The following SPIDR variants were observed in gnomAD, a reference collection of about 807,000 sequenced individuals.
SPIDR encodes DNA repair-scaffolding protein.
Under a neutral mutation model 104.6 loss-of-function variants are expected in SPIDR, and 93 were observed. The ratio of observed to expected loss-of-function variants is 0.89; its 90% confidence interval spans 0.75 to 1.06. SPIDR has a LOEUF of 1.06. SPIDR is among the 50% of genes least tolerant of loss of function. SPIDR has a pLI of 0.00. For missense variants in SPIDR, 1,154 were observed against 1,111.2 expected (o/e 1.04, Z -0.55); for synonymous variants, 431 against 416.9 (o/e 1.03, Z -0.41).
At chr8:47,530,915 A>G (rs970803066) in intron 8 of SPIDR, among the ~76,000 whole-genome samples, 1 of 151,752 alleles carries the variant, frequency 6.6e-6, no homozygotes, top group Admixed American at 6.6e-5. Context: ...AAAATTTTTT[A>G]TAACTTTTTT....
intron 7 of SPIDR, among the ~76,000 whole-genome samples, chr8:47,420,070 G>T (rs532774532): frequency 2.6e-5 from 4 of 152,186 alleles, no homozygotes; most frequent in Non-Finnish European, 5.9e-5. Flanking sequence ...GTGGTGTGGT[G>T]CTGAGAAGAA....
At chr8:47,464,956 G>A (rs892739157) in intron 8 of SPIDR, among the ~76,000 whole-genome samples, 1 of 151,834 alleles carries the variant, frequency 6.6e-6, no homozygotes, top group Non-Finnish European at 1.5e-5. Flanking sequence ...TTTAGATGAC[G>A]TTTCACCATG....
At chr8:47,309,024 G>A (rs2043630912) in intron 5 of SPIDR, among the ~76,000 whole-genome samples, 1 of 152,214 alleles carries the variant, frequency 6.6e-6, no homozygotes, top group Non-Finnish European at 1.5e-5. Context: ...GATCTTCTAG[G>A]TGGAGCAACA....
intron 8 of SPIDR, among the ~76,000 whole-genome samples, chr8:47,469,853 C>T (rs1303710272): frequency 6.6e-6 from 1 of 151,908 alleles, no homozygotes; most frequent in Non-Finnish European, 1.5e-5. Flanking sequence ...GTACATGTAC[C>T]CCTGAACTTA....
chr8:47,323,603 T>G (rs2047169039), intron 5 of SPIDR, among the ~76,000 whole-genome samples: 1 of 152,188 alleles, frequency 6.6e-6, no homozygotes, highest in Non-Finnish European at 1.5e-5. Flanking sequence ...TAACTTTTTT[T>G]TAGATCCAAT....
intron 8 of SPIDR, among the ~76,000 whole-genome samples, chr8:47,595,599 T>C (rs2061553005): frequency 6.6e-6 from 1 of 152,320 alleles, no homozygotes; most frequent in South Asian, 2.1e-4. Context: ...CCTTCTTCCA[T>C]CCCTTCCTGA....
At chr8:47,482,092 G>C (rs1243248405) in intron 8 of SPIDR, among the ~76,000 whole-genome samples, 1 of 152,170 alleles carries the variant, frequency 6.6e-6, no homozygotes, top group African/African-American at 2.4e-5. Context: ...TGGTCAGTGG[G>C]TATTTGTACC....
intron 5 of SPIDR, among the ~76,000 whole-genome samples, chr8:47,300,668 C>A (rs7834569): frequency 0.51 from 77,253 of 151,998 alleles, 23,614 homozygotes; most frequent in African/African-American, 0.87. Context: ...TGTTGGTTTC[C>A]AAGAACATCT....
intron 14 of SPIDR, among the ~76,000 whole-genome samples, chr8:47,710,719 C>T (rs1003392276): frequency 1.3e-5 from 2 of 152,180 alleles, no homozygotes; most frequent in South Asian, 2.1e-4. Context: ...CCGCCTGCCT[C>T]GGCCTCCCAA....
chr8:47,417,840 A>G (rs532523582), intron 7 of SPIDR, among the ~76,000 whole-genome samples: 18 of 152,274 alleles, frequency 1.2e-4, no homozygotes, highest in African/African-American at 4.3e-4. Context: ...CTTTCTACAT[A>G]TGGCTAGCCA....
chr8:47,626,145 C>T (rs1422751215), intron 10 of SPIDR, among the ~76,000 whole-genome samples: 3 of 152,076 alleles, frequency 2.0e-5, no homozygotes, highest in Non-Finnish European at 4.4e-5. Context: ...GGAAAGGATT[C>T]CCTATTTAAT....
chr8:47,277,311 GTTTGT>G (rs1251520573), intron 1 of SPIDR, among the ~76,000 whole-genome samples: 305 of 128,390 alleles, frequency 2.4e-3, no homozygotes, highest in Middle Eastern at 3.9e-3. Flanking sequence ...TTTATGTTAT[GTTTGT>G]TATGTTATGT....
chr8:47,519,829 C>CA (rs1241296434), intron 8 of SPIDR, among the ~76,000 whole-genome samples: 1 of 151,202 alleles, frequency 6.6e-6, no homozygotes, highest in Admixed American at 6.6e-5. Flanking sequence ...AACAAGTTTC[C>CA]AAAAAAAATA....
In SPIDR at chr8:47,331,523, G is replaced by T. The variant is rs182923496; in HGVS notation, c.525+37493G>T. On this transcript the variant is annotated intron_variant, in intron 5 of 19. Coordinates refer to ENST00000297423, the MANE Select transcript of SPIDR (RefSeq NM_001080394.4). ...TATAATATGGCATAAAAGATAAACAGTGGTATACATGTATAGGGCACTTAC... is the reference window on the plus strand; with the variant it reads ...TATAATATGGCATAAAAGATAAACATTGGTATACATGTATAGGGCACTTAC... 3.0e-4 allele frequency among the ~76,000 whole-genome samples: 45 copies of T among 152,284 alleles called. No individual in the cohort carries two copies. The East Asian group carries it at 8.7e-3, about 29-fold the overall frequency.
chr8:47,583,305 C>CAAA (rs34756645), intron 8 of SPIDR, among the ~76,000 whole-genome samples: 2 of 111,086 alleles, frequency 1.8e-5, no homozygotes, highest in African/African-American at 3.5e-5. Context: ...GACTCCATCT[C>CAAA]AAAAAAAAAA....
intron 7 of SPIDR, among the ~76,000 whole-genome samples, chr8:47,420,214 G>A (rs1208471685): frequency 1.3e-5 from 2 of 152,116 alleles, no homozygotes; most frequent in Non-Finnish European, 2.9e-5. Flanking sequence ...TGACAGTGGG[G>A]TTTTAAAGCC....
chr8:47,476,806 T>C (rs2076342386), intron 8 of SPIDR, among the ~76,000 whole-genome samples: 1 of 152,224 alleles, frequency 6.6e-6, no homozygotes, highest in South Asian at 2.1e-4. Context: ...TGCGTTAAAG[T>C]AGGAGACTCG....
chr8:47,672,501 CTT>C (rs2075925215), intron 10 of SPIDR, among the ~76,000 whole-genome samples: 1 of 152,134 alleles, frequency 6.6e-6, no homozygotes. Context: ...CATATATACA[CTT>C]TTCAGATGCA....
At chr8:47,629,030 A>AAG (rs1196710963) in intron 10 of SPIDR, among the ~76,000 whole-genome samples, 1 of 152,236 alleles carries the variant, frequency 6.6e-6, no homozygotes, top group African/African-American at 2.4e-5. Context: ...ATAAGGACTG[A>AAG]GATTCTCCCT....
Sources: gnomAD v4.1 joint callset for allele counts (sites outside exome capture counted in the v4.1 genomes callset) on GRCh38, gnomAD v4.1.1 for gene constraint, MANE v1.5 for transcripts, NCBI Gene and HGNC (gene_info 2026-07-23, HGNC 2026-07-21) for gene names.